The following SERAC1 variants were observed in gnomAD, a reference collection of about 807,000 sequenced individuals.
SERAC1 encodes the protein protein SERAC1.
SERAC1 carries 36 observed loss-of-function variants against 85.7 expected under a neutral mutation model. The observed-to-expected ratio is 0.42, with a 90% CI of 0.32 to 0.55. The LOEUF (loss-of-function observed/expected upper bound fraction) is 0.55. Among genes scored for constraint, SERAC1 ranks in the 20% least tolerant of loss-of-function variants. The pLI, the probability that SERAC1 is intolerant of heterozygous loss-of-function variation, is 0.11. For missense variants in SERAC1, 629 were observed against 796.2 expected, an observed-to-expected ratio of 0.79 and a Z score of 2.53; for synonymous variants, 242 against 265.3, an observed-to-expected ratio of 0.91 and a Z score of 0.85.
Position 158,146,869 on chromosome 6 carries a change from A to G in SERAC1, c.400T>C (p.Trp134Arg). Reference sequence around the variant, plus strand: ...GACTTGCTCTTCCGTAGGAGCAGCCACACAGCACACTCATGATCTTCTATA... The same window carrying G: ...GACTTGCTCTTCCGTAGGAGCAGCCGCACAGCACACTCATGATCTTCTATA... ...VDIEDHECAV[W>R]LLLRKSKSDD... Residue 134 changes from tryptophan (W) to arginine (R), a missense_variant, in exon 6 of 17, where the codon TGG (tryptophan) becomes CGG (arginine). Physicochemically the swap from Trp to Arg is moderately radical, Grantham distance 101. Transcript: ENST00000647468. 1 of 1,613,908 alleles carries G rather than the reference A, an allele frequency of 6.2e-7. No individual in the cohort carries two copies. Among genetic ancestry groups the G allele is most frequent in the South Asian group, 1.1e-5 (1 of 91,084 alleles).
chr6:158,167,537 CA>C (rs71542916), intron 1 of SERAC1, among the ~76,000 whole-genome samples: 2,083 of 69,824 alleles, frequency 0.03, 33 homozygotes, highest in African/African-American at 0.087. Context: ...GACTCCATCT[CA>C]AAAAAAAAAA....
At chr6:158,118,960 G>A in intron 12 of SERAC1, 69 bp downstream of exon 12, 1 of 1,536,310 alleles carries the variant, frequency 6.5e-7, no homozygotes, top group Admixed American at 2.1e-5. Context: ...AGAAAAACAA[G>A]CAAGCCACAA....
At position 158,155,370 on chromosome 6, in the gene SERAC1, C is replaced by A; in HGVS notation, c.92-19G>T. 6.9e-7 allele frequency: 1 copy of A among 1,445,804 alleles called. No homozygotes were observed. Among genetic ancestry groups the A allele is most frequent in the South Asian group, 1.2e-5 (1 of 86,722 alleles). The allele number at this position is 1,445,804 out of a possible 1,614,324, so 89.6% of individuals were successfully genotyped here. ...ATATTTCCTTCAAAAGAAAAAAAGT[C>A]AATGTGATGAATTTCATTTTTAAAA... On this transcript the variant is annotated intron_variant, in intron 2 of 16. Coordinates refer to ENST00000647468, the MANE Select transcript of SERAC1 (RefSeq NM_032861.4).
intron 10 of SERAC1, among the ~76,000 whole-genome samples, chr6:158,127,360 CGGGA>C (rs1784566951): frequency 3.1e-5 from 1 of 32,170 alleles, no homozygotes; most frequent in Non-Finnish European, 6.4e-5. Context: ...CCGCCCCGTC[CGGGA>C]GGGAGGTGGG....
intron 1 of SERAC1, among the ~76,000 whole-genome samples, chr6:158,159,726 G>A (rs1785442332): frequency 6.6e-6 from 1 of 150,738 alleles, no homozygotes; most frequent in Non-Finnish European, 1.5e-5. Flanking sequence ...TCAGGCTCAA[G>A]CAATCCTCCC....
In SERAC1 at chr6:158,117,614, A is replaced by T. The variant is rs1292369188; in HGVS notation, c.1403+113T>A. The T allele has an allele frequency of 6.4e-7, 1 of 1,573,206 alleles. No homozygotes were observed. On this transcript the variant is annotated intron_variant, in intron 13 of 16. Coordinates refer to ENST00000647468, the MANE Select transcript of SERAC1 (RefSeq NM_032861.4). The surrounding 1 kb of genome is among the most constrained non-coding windows in gnomAD (Gnocchi z 4.3). The stretch of plus-strand genomic sequence containing the variant: ...AAAAAAGATTAGGTTTGTTCTTCAT[A>T]AGAAAATCCTGTCTGTGGCATCAAA...
At chr6:158,121,537 T>C (rs1223385255) in intron 10 of SERAC1, among the ~76,000 whole-genome samples, 1 of 152,146 alleles carries the variant, frequency 6.6e-6, no homozygotes, top group African/African-American at 2.4e-5. Context: ...AGGCACTCAA[T>C]ACACGACAGC....
At chr6:158,150,853 G>A (rs780529739) in intron 3 of SERAC1, among the ~76,000 whole-genome samples, 8 of 152,186 alleles carry the variant, frequency 5.3e-5, no homozygotes, top group African/African-American at 9.6e-5. Context: ...AGTAGCCATC[G>A]TAACACATTA....
At chr6:158,164,242 G>A (rs369676922) in intron 1 of SERAC1, among the ~76,000 whole-genome samples, 10 of 151,892 alleles carry the variant, frequency 6.6e-5, no homozygotes, top group African/African-American at 1.9e-4. Context: ...TTGGGAGGCC[G>A]AGGCAGGAGG....
At position 158,163,729 on chromosome 6, in the gene SERAC1, T is replaced by TTGTTGTTGTTG. The variant is rs1554266106; in HGVS notation, c.-2+4410_-2+4411insCAACAACAACA. Among the ~76,000 whole-genome samples, 269 of 151,668 alleles carry TTGTTGTTGTTG rather than the reference T, an allele frequency of 1.8e-3. 1 individual carries two copies. Among genetic ancestry groups the TTGTTGTTGTTG allele is most frequent in the African/African-American group, 6.0e-3 (248 of 41,218 alleles). On this transcript the variant is annotated intron_variant, in intron 1 of 16. Transcript: ENST00000647468. ...TGCACTGTTTAGATTATGTAGGTTT[T>TTGTTGTTGTTG]TTGTTGTTTTTTGTTTTCTTTTTGA...
intron 9 of SERAC1, among the ~76,000 whole-genome samples, chr6:158,129,897 T>C (rs1430563498): frequency 6.6e-6 from 1 of 152,110 alleles, no homozygotes. Flanking sequence ...AGTTTCACCA[T>C]GTTGGCCAGG....
In SERAC1 at chr6:158,128,090, A is replaced by C; in HGVS notation, c.1015+18T>G. On this transcript the variant is annotated intron_variant, in intron 10 of 16. Coordinates refer to ENST00000647468, the MANE Select transcript of SERAC1 (RefSeq NM_032861.4). Reference sequence around the variant, plus strand: ...TGGGAGAACAAAGTAAAAAATACTCAGTATATAAAGCTGTTACCTGAGCGA... The same window carrying C: ...TGGGAGAACAAAGTAAAAAATACTCCGTATATAAAGCTGTTACCTGAGCGA... 1 of 1,605,862 alleles carries C rather than the reference A, an allele frequency of 6.2e-7. No individual in the cohort carries two copies. Among genetic ancestry groups the C allele is most frequent in the Non-Finnish European group, 8.5e-7 (1 of 1,174,736 alleles).
At chr6:158,134,112 G>T (rs1784740856) in intron 8 of SERAC1, among the ~76,000 whole-genome samples, 1 of 152,206 alleles carries the variant, frequency 6.6e-6, no homozygotes. Context: ...AATCTACACT[G>T]CTTTCAGCAT....
In SERAC1 at chr6:158,111,265, T is replaced by C. The variant is rs2128409322; in HGVS notation, c.*101A>G. The stretch of plus-strand genomic sequence containing the variant: ...CACACTCCAGACCATGTTGACGCTA[T>C]GATCACTATGTTTGCATGATTGCAT... On this transcript the variant is annotated 3_prime_UTR_variant, in exon 17 of 17. Transcript: ENST00000647468. 1 of 1,119,962 alleles carries C rather than the reference T, an allele frequency of 8.9e-7. No homozygotes were observed. The highest frequency in any genetic ancestry group is 1.6e-5 in the African/African-American group (1 of 64,162). The allele number at this position is 1,119,962 out of a possible 1,614,324, so 69.4% of individuals were successfully genotyped here.
At chr6:158,113,714 A>G in intron 15 of SERAC1, 122 bp from the exon 16 acceptor site, 1 of 896,728 alleles carries the variant, frequency 1.1e-6, no homozygotes, top group East Asian at 2.6e-5. Context: ...GCTTGAGTAC[A>G]CATGTTTATT....
chr6:158,156,972 T>TTATA (rs1785365883), intron 2 of SERAC1, among the ~76,000 whole-genome samples: 1 of 134,992 alleles, frequency 7.4e-6, no homozygotes, highest in African/African-American at 2.8e-5. Flanking sequence ...ATTAATATAT[T>TTATA]TATATATAAT....
At chr6:158,131,151 G>T (rs1784662417) in intron 8 of SERAC1, among the ~76,000 whole-genome samples, 1 of 151,458 alleles carries the variant, frequency 6.6e-6, no homozygotes, top group South Asian at 2.1e-4. Context: ...CAGATCAAGG[G>T]TTAATGTCAC....
intron 1 of SERAC1, among the ~76,000 whole-genome samples, chr6:158,164,431 C>T (rs143942302): frequency 0.048 from 7,226 of 151,976 alleles, 224 homozygotes; most frequent in Non-Finnish European, 0.057. Context: ...GCAAAGATTG[C>T]GCCACGGCAG....
intron 6 of SERAC1, chr6:158,146,393 C>CT (rs1785055867): frequency 3.9e-5 from 6 of 154,182 alleles, no homozygotes; most frequent in Non-Finnish European, 2.7e-5. Context: ...CTCCCACTCC[C>CT]TTGTCTTTTT....
Sources: allele counts gnomAD v4.1 joint callset (sites outside exome capture counted in the v4.1 genomes callset), GRCh38; gene constraint gnomAD v4.1.1; non-coding constraint Gnocchi (gnomAD v3.1); transcripts MANE v1.5; gene names NCBI Gene and HGNC (gene_info 2026-07-23, HGNC 2026-07-21).